Variants in NEK11 observed in about 807,000 individuals in gnomAD.
The protein encoded by NEK11 is serine/threonine-protein kinase Nek11.
A neutral mutation model predicts 80.7 loss-of-function variants in NEK11; 72 were observed. That is an observed-to-expected ratio of 0.89 (90% CI 0.74 to 1.08). The LOEUF (loss-of-function observed/expected upper bound fraction) is 1.08, where lower values mean the gene tolerates loss of function less well. Among genes scored for constraint, NEK11 ranks in the 50% least tolerant of loss-of-function variants. The probability of loss-of-function intolerance (pLI) is 0.00; values close to 1 mark genes in which losing one functional copy is unlikely to be tolerated. For synonymous variants in NEK11, 251 were observed against 260.7 expected (o/e 0.96, Z 0.36); for missense variants, 764 against 763.6 (o/e 1.00, Z -0.01).
At chr3:131,274,686 G>A (rs1456842916) in intron 17 of NEK11, among the ~76,000 whole-genome samples, 10 of 113,466 alleles carry the variant, frequency 8.8e-5, no homozygotes, top group African/African-American at 1.4e-4. Flanking sequence ...TCGCTCTGTC[G>A]CCCAGGCCGG....
intron 14 of NEK11, among the ~76,000 whole-genome samples, chr3:131,211,039 C>T (rs555283367): frequency 1.8e-3 from 268 of 151,816 alleles, no homozygotes; most frequent in African/African-American, 6.3e-3. Context: ...GTTATTTTGC[C>T]CACTAGTTGA....
At chr3:131,088,295 A>T (rs2076281683) in intron 4 of NEK11, 1 of 152,212 alleles carries the variant, frequency 6.6e-6, no homozygotes, top group Non-Finnish European at 1.5e-5. Flanking sequence ...AATTAAAGTC[A>T]TTTGGTTTGT....
chr3:131,344,379 T>C (rs1166701432), intron 17 of NEK11, among the ~76,000 whole-genome samples: 2 of 152,226 alleles, frequency 1.3e-5, no homozygotes, highest in African/African-American at 2.4e-5. Context: ...TTCATATCAC[T>C]ATCAGCATTT....
At chr3:131,140,562 T>G (rs1219173015) in intron 7 of NEK11, among the ~76,000 whole-genome samples, 2 of 152,192 alleles carry the variant, frequency 1.3e-5, no homozygotes, top group Non-Finnish European at 2.9e-5. Context: ...TGGTTTTTTA[T>G]GCAGCAGTGG....
At chr3:131,124,617 A>G (rs1302444814) in intron 5 of NEK11, among the ~76,000 whole-genome samples, 2 of 152,194 alleles carry the variant, frequency 1.3e-5, no homozygotes, top group African/African-American at 4.8e-5. Flanking sequence ...GGCATTTCAC[A>G]GTTCCTGCCA....
chr3:131,203,079 G>A (rs1403242329), intron 14 of NEK11, among the ~76,000 whole-genome samples: 2 of 152,142 alleles, frequency 1.3e-5, no homozygotes, highest in Non-Finnish European at 2.9e-5. Flanking sequence ...CCATTATTGG[G>A]TATATACCCA....
chr3:131,085,281 T>C (rs895143334), intron 4 of NEK11, among the ~76,000 whole-genome samples: 1 of 152,240 alleles, frequency 6.6e-6, no homozygotes, highest in African/African-American at 2.4e-5. Flanking sequence ...TATTTATTGA[T>C]GCCTTATGAA....
intron 17 of NEK11, chr3:131,330,479 G>T (rs115515333): frequency 6.6e-6 from 1 of 152,184 alleles, no homozygotes; most frequent in Non-Finnish European, 1.5e-5. Context: ...GTGGATAGAG[G>T]ACAGAAGAAG....
chr3:131,177,045 A>G (rs2093060946), intron 14 of NEK11, among the ~76,000 whole-genome samples: 1 of 152,172 alleles, frequency 6.6e-6, no homozygotes, highest in African/African-American at 2.4e-5. Flanking sequence ...AACCTTATAG[A>G]ATGTGTGTTT....
At chr3:131,300,328 C>T (rs1363501697) in intron 17 of NEK11, among the ~76,000 whole-genome samples, 10 of 152,018 alleles carry the variant, frequency 6.6e-5, no homozygotes, top group African/African-American at 2.2e-4. Context: ...ATTCTGTAGG[C>T]TGTTTGTTTA....
chr3:131,191,131 T>C (rs2093777724), intron 14 of NEK11, among the ~76,000 whole-genome samples: 1 of 152,208 alleles, frequency 6.6e-6, no homozygotes, highest in East Asian at 1.9e-4. Context: ...AGTTTTTTCT[T>C]TGATAATTTC....
At chr3:131,340,985 G>C (rs77047968) in intron 17 of NEK11, among the ~76,000 whole-genome samples, 7,271 of 152,134 alleles carry the variant, frequency 0.048, 250 homozygotes, top group East Asian at 0.18. Context: ...CTAACTAAAG[G>C]AATAGTTCCT....
Position 131,240,583 on chromosome 3 carries a change from A to G in NEK11, c.1561-2853A>G, listed in dbSNP as rs544900231. 2.6e-4 allele frequency among the ~76,000 whole-genome samples: 40 copies of G among 152,262 alleles called. No homozygotes were observed. The South Asian group carries it at 4.1e-3, about 16-fold the overall frequency. ...AGGGTTTTATTTTTGAAAACAGAAA[A>G]AGCAAACAATATTTTAAAAATACAG... On this transcript the variant is annotated intron_variant, in intron 15 of 17. Coordinates refer to ENST00000383366, the MANE Select transcript of NEK11 (RefSeq NM_024800.5).
chr3:131,335,817 A>T (rs986661027), intron 17 of NEK11, among the ~76,000 whole-genome samples: 1 of 152,230 alleles, frequency 6.6e-6, no homozygotes, highest in Non-Finnish European at 1.5e-5. Flanking sequence ...ATTCTTATAC[A>T]TCAATAACAG....
chr3:131,250,470 A>G (rs2095680228), intron 16 of NEK11, among the ~76,000 whole-genome samples: 1 of 152,108 alleles, frequency 6.6e-6, no homozygotes, highest in Admixed American at 6.6e-5. Flanking sequence ...GGCATCCAAT[A>G]TCAAAAATGA....
intron 17 of NEK11, among the ~76,000 whole-genome samples, chr3:131,303,096 C>CT (rs1328929634): frequency 2.0e-5 from 3 of 152,046 alleles, no homozygotes; most frequent in African/African-American, 7.2e-5. Context: ...CCTTCTTTGT[C>CT]TTTTTTGATT....
At chr3:131,316,833 GC>G (rs1186723338) in intron 17 of NEK11, among the ~76,000 whole-genome samples, 1 of 152,024 alleles carries the variant, frequency 6.6e-6, no homozygotes, top group Non-Finnish European at 1.5e-5. Context: ...TCCTTGATTT[GC>G]AAAAACTGAT....
intron 17 of NEK11, among the ~76,000 whole-genome samples, chr3:131,337,695 G>T (rs115039882): frequency 6.6e-6 from 1 of 152,004 alleles, no homozygotes; most frequent in Non-Finnish European, 1.5e-5. Context: ...AGAAGTTAAT[G>T]TCTTCATTTA....
intron 14 of NEK11, among the ~76,000 whole-genome samples, chr3:131,188,450 G>A (rs1388761900): frequency 6.6e-6 from 1 of 152,090 alleles, no homozygotes; most frequent in African/African-American, 2.4e-5. Flanking sequence ...TTCAAAAGTG[G>A]TTATCTTATG....
Sources: gnomAD v4.1 joint callset for allele counts (sites outside exome capture counted in the v4.1 genomes callset) on GRCh38, gnomAD v4.1.1 for gene constraint, MANE v1.5 for transcripts, NCBI Gene and HGNC (gene_info 2026-07-23, HGNC 2026-07-21) for gene names.